Variants in MTUS2 observed in about 807,000 individuals in gnomAD.
MTUS2 encodes the protein microtubule-associated tumor suppressor candidate 2.
A neutral mutation model predicts 114.1 loss-of-function variants in MTUS2; 40 were observed. The observed-to-expected ratio is 0.35, with a 90% confidence interval of 0.27 to 0.46. The LOEUF is 0.46. Ranked by LOEUF, MTUS2 falls within the 20% of genes least tolerant of loss-of-function variation. The pLI is 1.00. For synonymous variants in MTUS2, 688 were observed against 672.0 expected (o/e 1.02, Z -0.37); for missense variants, 1,679 against 1,705.4 (o/e 0.98, Z 0.27).
At chr13:28,826,387 C>G (rs1874272090) in intron 1 of MTUS2, among the ~76,000 whole-genome samples, 1 of 152,078 alleles carries the variant, frequency 6.6e-6, no homozygotes, top group Non-Finnish European at 1.5e-5. Flanking sequence ...ATTTTAAAAA[C>G]AAGATTATTG....
intron 7 of MTUS2, among the ~76,000 whole-genome samples, chr13:29,350,575 C>T (rs115202758): frequency 2.0e-5 from 3 of 151,806 alleles, no homozygotes; most frequent in South Asian, 2.1e-4. Flanking sequence ...CTTCTTAATA[C>T]GTAATATAAG....
At chr13:28,862,591 C>T (rs773323205) in intron 2 of MTUS2, among the ~76,000 whole-genome samples, 6 of 152,150 alleles carry the variant, frequency 3.9e-5, no homozygotes, top group Admixed American at 6.5e-5. Flanking sequence ...CCGGCCTGGG[C>T]GCGGCAGAGC....
At chr13:29,451,814 C>T (rs1170223265) in intron 9 of MTUS2, among the ~76,000 whole-genome samples, 2 of 152,120 alleles carry the variant, frequency 1.3e-5, no homozygotes, top group African/African-American at 4.8e-5. Flanking sequence ...GTCTCAAACT[C>T]CTGACCTCAG....
chr13:28,959,873 G>A (rs1372978192), intron 2 of MTUS2, among the ~76,000 whole-genome samples: 2 of 152,206 alleles, frequency 1.3e-5, no homozygotes, highest in African/African-American at 2.4e-5. Context: ...TGTCAGTAAT[G>A]TGATGGTGCA....
At chr13:28,953,306 T>C (rs1175120858) in intron 2 of MTUS2, among the ~76,000 whole-genome samples, 1 of 152,054 alleles carries the variant, frequency 6.6e-6, no homozygotes, top group Non-Finnish European at 1.5e-5. Flanking sequence ...GTCAGTAGTT[T>C]GAGACCAGCC....
intron 2 of MTUS2, among the ~76,000 whole-genome samples, chr13:28,965,052 T>G (rs1402032031): frequency 6.6e-6 from 1 of 152,132 alleles, no homozygotes; most frequent in African/African-American, 2.4e-5. Context: ...TCACTTTCCA[T>G]TTTGGTAACA....
intron 7 of MTUS2, among the ~76,000 whole-genome samples, chr13:29,330,774 A>G (rs1225964307): frequency 2.0e-5 from 3 of 152,020 alleles, no homozygotes; most frequent in African/African-American, 7.2e-5. Context: ...TGAGGCCTTT[A>G]TTCTCTTCCA....
chr13:29,418,067 G>C (rs1372095930), intron 8 of MTUS2, among the ~76,000 whole-genome samples: 1 of 152,052 alleles, frequency 6.6e-6, no homozygotes, highest in African/African-American at 2.4e-5. Flanking sequence ...AAACTCTGTT[G>C]ATCACCTGAC....
chr13:29,169,642 A>T (rs1278568968), intron 5 of MTUS2, among the ~76,000 whole-genome samples: 1 of 152,220 alleles, frequency 6.6e-6, no homozygotes, highest in Non-Finnish European at 1.5e-5. Flanking sequence ...GCCATACTTC[A>T]TTCTCAGTTT....
At chr13:28,876,728 C>T (rs112156965) in intron 2 of MTUS2, among the ~76,000 whole-genome samples, 13,268 of 151,986 alleles carry the variant, frequency 0.087, 1,867 homozygotes, top group African/African-American at 0.3. Flanking sequence ...AGGGGAAGCA[C>T]TAGAGGAGAG....
intron 5 of MTUS2, among the ~76,000 whole-genome samples, chr13:29,189,443 G>T (rs1894357945): frequency 6.6e-6 from 1 of 151,898 alleles, no homozygotes. Flanking sequence ...CAGTATTAGG[G>T]CTGTAAAGCT....
chr13:29,408,789 C>A (rs772958949), intron 8 of MTUS2, among the ~76,000 whole-genome samples: 1 of 151,962 alleles, frequency 6.6e-6, no homozygotes, highest in Non-Finnish European at 1.5e-5. Context: ...AGTTTCTACA[C>A]GTGTGTATCT....
At chr13:29,459,689 AT>A (rs962708437) in intron 9 of MTUS2, among the ~76,000 whole-genome samples, 19 of 152,058 alleles carry the variant, frequency 1.2e-4, no homozygotes, top group African/African-American at 4.6e-4. Context: ...TAATGCTTGA[AT>A]TTTTTTTAGC....
chr13:28,940,468 G>A (rs530179196), intron 2 of MTUS2, among the ~76,000 whole-genome samples: 14 of 152,244 alleles, frequency 9.2e-5, no homozygotes, highest in South Asian at 8.3e-4. Context: ...GAGAAGGGGC[G>A]TGGGAAGTAA....
At chr13:29,001,000 G>T (rs540410672) in intron 2 of MTUS2, among the ~76,000 whole-genome samples, 1 of 152,252 alleles carries the variant, frequency 6.6e-6, no homozygotes. Flanking sequence ...CAGTCCTTAG[G>T]GTAGGATCAG....
chr13:29,461,326 C>G (rs751457788), intron 9 of MTUS2, among the ~76,000 whole-genome samples: 7 of 152,156 alleles, frequency 4.6e-5, no homozygotes, highest in Non-Finnish European at 7.3e-5. Context: ...CCTTAAAGGT[C>G]CCACCTCTCA....
intron 5 of MTUS2, among the ~76,000 whole-genome samples, chr13:29,221,211 G>A (rs2139322415): frequency 6.6e-6 from 1 of 152,334 alleles, no homozygotes; most frequent in African/African-American, 2.4e-5. Context: ...TGAGTTTTAT[G>A]GTTCAGAGGA....
intron 2 of MTUS2, among the ~76,000 whole-genome samples, chr13:28,850,564 A>G (rs79166473): frequency 1.3e-3 from 201 of 152,366 alleles, no homozygotes; most frequent in African/African-American, 4.7e-3. Context: ...TACAAGAGCA[A>G]TATTAAAAAC....
intron 5 of MTUS2, among the ~76,000 whole-genome samples, chr13:29,141,487 A>G (rs965196367): frequency 2.6e-5 from 4 of 152,162 alleles, no homozygotes; most frequent in African/African-American, 9.7e-5. Context: ...CCTTGTGGTT[A>G]CAGAAGCACA....
Sources: allele counts gnomAD v4.1 joint callset (sites outside exome capture counted in the v4.1 genomes callset), GRCh38; gene constraint gnomAD v4.1.1; transcripts MANE v1.5; gene names NCBI Gene and HGNC (gene_info 2026-07-23, HGNC 2026-07-21).